Variants in DNAH8 observed in about 807,000 individuals in gnomAD.
DNAH8 encodes the protein axonemal beta dynein heavy chain 8.
DNAH8 carries 382 observed loss-of-function variants against 562.1 expected under a neutral mutation model. That is an observed-to-expected ratio of 0.68 (90% CI 0.63 to 0.74). The LOEUF (loss-of-function observed/expected upper bound fraction) is 0.74. Among genes scored for constraint, DNAH8 ranks in the 30% least tolerant of loss-of-function variants. The pLI, the probability that DNAH8 is intolerant of heterozygous loss-of-function variation, is 0.00. For synonymous variants in DNAH8, 1,881 were observed against 1,919.4 expected, an observed-to-expected ratio of 0.98 and a Z score of 0.52; for missense variants, 5,203 against 5,620.4, an observed-to-expected ratio of 0.93 and a Z score of 2.37.
chr6:38,849,912 A>G (rs1343330144), intron 37 of DNAH8, among the ~76,000 whole-genome samples: 1 of 152,112 alleles, frequency 6.6e-6, no homozygotes, highest in Non-Finnish European at 1.5e-5. Context: ...TTTGCTCCTC[A>G]AACCAAAACA....
Position 38,935,562 on chromosome 6 carries a change from C to G in DNAH8, c.11458-30C>G. 2 of 1,479,156 alleles carry G rather than the reference C, an allele frequency of 1.4e-6. 1 individual carries two copies. The highest frequency in any genetic ancestry group is 2.3e-5 in the South Asian group (2 of 85,726). 91.6% of individuals were successfully genotyped at this position (1,479,156 alleles called of 1,614,324 possible). On this transcript the variant is annotated intron_variant, in intron 76 of 92. Coordinates refer to ENST00000327475, the MANE Select transcript of DNAH8 (RefSeq NM_001206927.2). ...ACTGTAATAACTGGTAATTATAGTT[C>G]CAATGTTATTTTTTGTTTTTTAATG...
chr6:39,008,473 T>TG (rs1318531301), intron 88 of DNAH8, among the ~76,000 whole-genome samples: 15 of 151,574 alleles, frequency 9.9e-5, no homozygotes, highest in African/African-American at 3.6e-4. Context: ...CAGGGGAGAG[T>TG]GAAAGGAGGT....
rs557871214 is a variant in DNAH8 at position 38,982,172 on chromosome 6, A to G, written c.12835-174A>G. Reference sequence around the variant, plus strand: ...GAAATTGCTTAATGATGCATTTCTCAGAAGGTAACCCCATCATTAAGCGAC... The same window carrying G: ...GAAATTGCTTAATGATGCATTTCTCGGAAGGTAACCCCATCATTAAGCGAC... On this transcript the variant is annotated intron_variant, in intron 85 of 92. Transcript: ENST00000327475. 2.6e-5 allele frequency among the ~76,000 whole-genome samples: 4 copies of G among 152,366 alleles called. No homozygotes were observed. The South Asian group carries it at 8.3e-4, about 32-fold the overall frequency.
At chr6:38,989,766 C>G in intron 87 of DNAH8, among the ~76,000 whole-genome samples, 1 of 152,182 alleles carries the variant, frequency 6.6e-6, no homozygotes, top group East Asian at 1.9e-4. Context: ...TAGAGTTGCT[C>G]TCTTCCTTAC....
intron 87 of DNAH8, among the ~76,000 whole-genome samples, chr6:38,986,696 A>C (rs9380815): frequency 0.89 from 135,539 of 152,264 alleles, 60,472 homozygotes; most frequent in African/African-American, 0.95. Flanking sequence ...ACCAAGAGTA[A>C]CAGCAGAATG....
chr6:38,753,685 T>G lies in DNAH8; in HGVS notation c.1408-2287T>G, dbSNP rs372169016. Among the ~76,000 whole-genome samples, 36 of 152,344 alleles carry G rather than the reference T, an allele frequency of 2.4e-4. No individual in the cohort carries two copies. In the South Asian group the frequency reaches 7.0e-3, roughly 30 times the overall value. On this transcript the variant is annotated intron_variant, in intron 9 of 92. Transcript: ENST00000327475. ...TTTAAGGTATACTGATTTCAACTTC[T>G]TGATTCAAAAGACTTGTTTTAATTC... is the stretch of plus-strand genomic sequence containing the variant.
intron 91 of DNAH8, among the ~76,000 whole-genome samples, chr6:39,022,319 C>A (rs1276986725): frequency 6.6e-6 from 1 of 152,194 alleles, no homozygotes; most frequent in East Asian, 1.9e-4. Context: ...TCTGCCTTCA[C>A]GGTACTGTCC....
rs533797109 is a variant in DNAH8, at chr6:38,827,084, C to T, written c.4083+693C>T. 5.3e-5 allele frequency among the ~76,000 whole-genome samples: 8 copies of T among 152,212 alleles called. No individual in the cohort carries two copies. The East Asian group carries it at 7.7e-4, about 15-fold the overall frequency. On this transcript the variant is annotated intron_variant, in intron 29 of 92. Coordinates refer to ENST00000327475, the MANE Select transcript of DNAH8 (RefSeq NM_001206927.2). ...TTTTCTAGCTTCTAGGGGCTGCCCA[C>T]GTGTCTTGGCTCATGGTTGGTTCCC...
At position 38,782,320 on chromosome 6, in the gene DNAH8, G is replaced by A. The variant is rs113083293; in HGVS notation, c.2260-684G>A. ...ATTTATTATGGAGTTTTGCTCTCTC[G>A]CCCAGGCTGGAGTGCAGTGGCGCAG... On this transcript the variant is annotated intron_variant, in intron 16 of 92. Coordinates refer to ENST00000327475, the MANE Select transcript of DNAH8 (RefSeq NM_001206927.2). Among the ~76,000 whole-genome samples, 133 of 151,188 alleles carry A rather than the reference G, an allele frequency of 8.8e-4. 1 individual carries two copies. Among genetic ancestry groups the A allele is most frequent in the African/African-American group, 3.1e-3 (126 of 41,134 alleles).
At chr6:38,831,386 C>T (rs1448878496) in intron 30 of DNAH8, among the ~76,000 whole-genome samples, 1 of 140,730 alleles carries the variant, frequency 7.1e-6, no homozygotes, top group African/African-American at 2.7e-5. Flanking sequence ...GATTGTGCCA[C>T]TGCACTCCAG....
At chr6:38,800,086 A>C (rs537862061) in intron 21 of DNAH8, among the ~76,000 whole-genome samples, 35 of 152,026 alleles carry the variant, frequency 2.3e-4, no homozygotes, top group African/African-American at 8.2e-4. Context: ...ATTTCTTTTT[A>C]TTGCTGAATA....
chr6:38,808,942 G>A (rs1771548374), intron 24 of DNAH8, among the ~76,000 whole-genome samples: 1 of 152,094 alleles, frequency 6.6e-6, no homozygotes, highest in South Asian at 2.1e-4. Context: ...GCCTGTCAGG[G>A]GGTGTGGGGA....
intron 92 of DNAH8, among the ~76,000 whole-genome samples, chr6:39,029,356 C>T (rs1427584946): frequency 6.6e-6 from 1 of 152,200 alleles, no homozygotes; most frequent in Non-Finnish European, 1.5e-5. Flanking sequence ...GGCTCCTGAG[C>T]ACTCCAGCCA....
Position 38,870,932 on chromosome 6 carries a change from T to TG in DNAH8, c.6990+373dup, listed in dbSNP as rs200095435. On this transcript the variant is annotated intron_variant, in intron 49 of 92. Coordinates refer to ENST00000327475, the MANE Select transcript of DNAH8 (RefSeq NM_001206927.2). The stretch of plus-strand genomic sequence containing the variant: ...AGTGGAGTGCAGAGCCTGAGGAATC[T>TG]GGGAGTGCTATTTTGCTCCTGCTTT... Among the ~76,000 whole-genome samples, 762 of 152,312 alleles carry TG rather than the reference T, an allele frequency of 5.0e-3. 6 individuals carry two copies. Among genetic ancestry groups the TG allele is most frequent in the African/African-American group, 0.018 (739 of 41,582 alleles).
rs141695361 is a variant in DNAH8, at chr6:38,823,616, T to C, written c.3775T>C (p.Tyr1259His). ...LTEIRSEILH[Y>H]ATFEQEIDEL... ...TGAAATCAGATCAGAAATTCTACACTATGCTACTTTTGAACAGGAGATTGA... is the reference window on the plus strand; with the variant it reads ...TGAAATCAGATCAGAAATTCTACACCATGCTACTTTTGAACAGGAGATTGA... Residue 1259 changes from tyrosine to histidine, a missense_variant, in exon 28 of 93, where the codon TAT becomes CAT. By Grantham distance (83) the Tyr-to-His change is moderately conservative. Coordinates refer to ENST00000327475, the MANE Select transcript of DNAH8 (RefSeq NM_001206927.2). The C allele has an allele frequency of 1.2e-6, 2 of 1,609,872 alleles. No individual in the cohort carries two copies. The highest frequency in any genetic ancestry group is 1.7e-6 in the Non-Finnish European group (2 of 1,176,384).
chr6:38,781,019 GA>G (rs1000150037), intron 15 of DNAH8, among the ~76,000 whole-genome samples: 1 of 151,462 alleles, frequency 6.6e-6, no homozygotes, highest in Non-Finnish European at 1.5e-5. Context: ...GATAAGGGCA[GA>G]AAAAAAATAC....
At chr6:38,951,645 C>G (rs1377384881) in intron 82 of DNAH8, 125 bp downstream of exon 82, 1 of 817,730 alleles carries the variant, frequency 1.2e-6, no homozygotes. Flanking sequence ...AAATATTAAA[C>G]TTATTCCTCT....
At chr6:38,817,916 G>T (rs1233079440) in intron 26 of DNAH8, among the ~76,000 whole-genome samples, 1 of 151,910 alleles carries the variant, frequency 6.6e-6, no homozygotes. Flanking sequence ...AATCCCAAAA[G>T]ATCAAAATCC....
At position 38,872,972 on chromosome 6, in the gene DNAH8, T is replaced by C. The variant is rs768471074; in HGVS notation, c.7304T>C (p.Val2435Ala). 6.2e-7 allele frequency: 1 copy of C among 1,614,154 alleles called. No homozygotes were observed. Among genetic ancestry groups the C allele is most frequent in the Admixed American group, 1.7e-5 (1 of 60,018 alleles). ...ATCTGGATTGAGAACTTAAATTCCG[T>C]TTTGGATGACAATAAAACTCTGACG... is the stretch of plus-strand genomic sequence containing the variant. ...DAIWIENLNS[V>A]LDDNKTLTLA... Residue 2435 changes from valine to alanine, a missense_variant, in exon 51 of 93, where the codon GTT becomes GCT. Physicochemically the swap from Val to Ala is moderately conservative, Grantham distance 64. Around this residue, in one of 6 missense-constraint regions of DNAH8, gnomAD observed 977 missense variants for 1,061.8 expected, o/e 0.92. Coordinates refer to ENST00000327475, the MANE Select transcript of DNAH8 (RefSeq NM_001206927.2).
Sources: gnomAD v4.1 joint callset for allele counts (sites outside exome capture counted in the v4.1 genomes callset) on GRCh38, gnomAD v4.1.1 for gene constraint, gnomAD v4.1.1 regional missense constraint, MANE v1.5 for transcripts, NCBI Gene and HGNC (gene_info 2026-07-23, HGNC 2026-07-21) for gene names.